The following SPPL3 variants were observed in gnomAD, a reference collection of about 807,000 sequenced individuals.
SPPL3 encodes signal peptide peptidase-like 3.
A neutral mutation model predicts 42.4 loss-of-function variants in SPPL3; 5 were observed. That is an observed-to-expected ratio of 0.12 (90% CI 0.06 to 0.25). The LOEUF (loss-of-function observed/expected upper bound fraction) is 0.25, where lower values mean the gene tolerates loss of function less well. SPPL3 is among the 10% of genes least tolerant of loss of function. SPPL3 has a pLI of 1.00. For missense variants in SPPL3, 235 were observed against 489.0 expected, an observed-to-expected ratio of 0.48 and a Z score of 4.90; for synonymous variants, 195 against 181.8, an observed-to-expected ratio of 1.07 and a Z score of -0.58.
chr12:120,820,601 C>A (rs1871035526), intron 1 of SPPL3, among the ~76,000 whole-genome samples: 2 of 151,918 alleles, frequency 1.3e-5, no homozygotes, highest in South Asian at 4.2e-4. Flanking sequence ...CAGGCGTGAG[C>A]CACTGTGTCC....
chr12:120,785,914 C>CAAAAAAA (rs11307959), intron 3 of SPPL3, among the ~76,000 whole-genome samples: 3 of 85,844 alleles, frequency 3.5e-5, no homozygotes, highest in Middle Eastern at 7.2e-3. Context: ...GAGTCCAAGG[C>CAAAAAAA]AAAAAAAAAA....
chr12:120,876,808 TACACACACACACACAC>T (rs71076677), intron 1 of SPPL3, among the ~76,000 whole-genome samples: 20 of 146,680 alleles, frequency 1.4e-4, no homozygotes, highest in East Asian at 8.0e-4. Context: ...GAGAAACACA[TACACACACACACACAC>T]ACACACACAC....
In SPPL3 at chr12:120,867,222, T is replaced by C. The variant is rs1036041928; in HGVS notation, c.23+36623A>G. On this transcript the variant is annotated intron_variant, in intron 1 of 10. Transcript: ENST00000353487. Reference sequence around the variant, plus strand: ...ACTTAAAATTCAGCCATGTGTAATGTTGTCAGTGCAAATAACTTTAATCTG... The same window carrying C: ...ACTTAAAATTCAGCCATGTGTAATGCTGTCAGTGCAAATAACTTTAATCTG... Among the ~76,000 whole-genome samples the C allele has an allele frequency of 1.8e-4, 27 of 152,346 alleles. 1 individual carries two copies. In the South Asian group the frequency reaches 3.9e-3, roughly 22 times the overall value.
chr12:120,815,376 T>G (rs1870833154), intron 1 of SPPL3, among the ~76,000 whole-genome samples: 1 of 152,222 alleles, frequency 6.6e-6, no homozygotes, highest in African/African-American at 2.4e-5. Context: ...ATTTAAAAAT[T>G]AAAGTGAGAT....
intron 2 of SPPL3, among the ~76,000 whole-genome samples, chr12:120,803,157 G>T (rs1728949756): frequency 6.6e-6 from 1 of 152,156 alleles, no homozygotes; most frequent in African/African-American, 2.4e-5. Flanking sequence ...TTTTAAATCT[G>T]GCTGCTACAA....
At chr12:120,810,392 A>G (rs1870645849) in intron 2 of SPPL3, among the ~76,000 whole-genome samples, 2 of 151,972 alleles carry the variant, frequency 1.3e-5, no homozygotes, top group Admixed American at 6.6e-5. Context: ...GTTAGAAAAA[A>G]AAAATGAAAT....
chr12:120,781,982 A>G (rs1042844541), intron 6 of SPPL3, among the ~76,000 whole-genome samples: 3 of 146,076 alleles, frequency 2.1e-5, no homozygotes, highest in African/African-American at 7.7e-5. Context: ...GGCTCAAGGG[A>G]TCCTCCCGCC....
At chr12:120,897,293 G>A (rs1049085917) in intron 1 of SPPL3, among the ~76,000 whole-genome samples, 1 of 152,110 alleles carries the variant, frequency 6.6e-6, no homozygotes, top group Non-Finnish European at 1.5e-5. Flanking sequence ...ACCCCCGAAG[G>A]CTTTATAAAA....
At chr12:120,823,627 A>AC (rs1871143044) in intron 1 of SPPL3, among the ~76,000 whole-genome samples, 1 of 151,810 alleles carries the variant, frequency 6.6e-6, no homozygotes, top group Admixed American at 6.6e-5. Context: ...TTCTTACTCC[A>AC]CATCTCATCT....
At chr12:120,790,183 G>T (rs1457647177) in intron 3 of SPPL3, among the ~76,000 whole-genome samples, 2 of 152,142 alleles carry the variant, frequency 1.3e-5, no homozygotes, top group African/African-American at 2.4e-5. Flanking sequence ...ATAACTACTG[G>T]TATGGAATTT....
At chr12:120,852,384 CATATTTT>C (rs1872260858) in intron 1 of SPPL3, among the ~76,000 whole-genome samples, 1 of 54,448 alleles carries the variant, frequency 1.8e-5, no homozygotes, top group Non-Finnish European at 3.9e-5. Flanking sequence ...ATATAATATA[CATATTTT>C]ACATATATGA....
intron 1 of SPPL3, among the ~76,000 whole-genome samples, chr12:120,838,064 A>G (rs895518698): frequency 6.6e-6 from 1 of 152,320 alleles, no homozygotes; most frequent in Middle Eastern, 3.4e-3. Flanking sequence ...ACTCAGACAC[A>G]GTGATTATAA....
chr12:120,816,005 C>A (rs1432352021), intron 1 of SPPL3, among the ~76,000 whole-genome samples: 1 of 152,200 alleles, frequency 6.6e-6, no homozygotes, highest in Non-Finnish European at 1.5e-5. Context: ...GCCAGGATTA[C>A]ATGCGTAAGC....
chr12:120,778,928 C>A (rs1566039234), intron 6 of SPPL3, among the ~76,000 whole-genome samples: 1 of 152,054 alleles, frequency 6.6e-6, no homozygotes, highest in Non-Finnish European at 1.5e-5. Context: ...TCCAAATTGA[C>A]CAGAACATCC....
chr12:120,841,428 T>TTA (rs3050430), intron 1 of SPPL3, among the ~76,000 whole-genome samples: 37,787 of 149,572 alleles, frequency 0.25, 5,782 homozygotes, highest in Non-Finnish European at 0.36. Context: ...AAAAAAATAG[T>TTA]TATATATATA....
chr12:120,902,467 A>C (rs1166694977), intron 1 of SPPL3, among the ~76,000 whole-genome samples: 1 of 152,240 alleles, frequency 6.6e-6, no homozygotes, highest in Non-Finnish European at 1.5e-5. Context: ...TTAATGTAGT[A>C]AGATCTGTGG....
At chr12:120,796,910 G>A (rs1870116748) in intron 2 of SPPL3, among the ~76,000 whole-genome samples, 1 of 152,082 alleles carries the variant, frequency 6.6e-6, no homozygotes, top group East Asian at 1.9e-4. Context: ...AGTGGTTCAC[G>A]CCTGTAATCC....
intron 2 of SPPL3, among the ~76,000 whole-genome samples, chr12:120,798,801 T>C (rs1242736360): frequency 6.6e-6 from 1 of 152,214 alleles, no homozygotes; most frequent in East Asian, 1.9e-4. Flanking sequence ...GCTACACAGA[T>C]TGCCAGCTTC....
intron 2 of SPPL3, among the ~76,000 whole-genome samples, chr12:120,795,564 T>A (rs11065267): frequency 0.035 from 5,381 of 152,300 alleles, 110 homozygotes; most frequent in South Asian, 0.066. Flanking sequence ...ACTTTTCACT[T>A]GTATTTTCAA....
Sources: gnomAD v4.1 joint callset for allele counts (sites outside exome capture counted in the v4.1 genomes callset) on GRCh38, gnomAD v4.1.1 for gene constraint, MANE v1.5 for transcripts, NCBI Gene and HGNC (gene_info 2026-07-23, HGNC 2026-07-21) for gene names.